The following CADM2 variants were observed in gnomAD, a reference collection of about 807,000 sequenced individuals.
CADM2 encodes the protein immunoglobulin superfamily member 4D.
In CADM2, 12 loss-of-function variants were observed where a neutral mutation model predicts 49.8. The ratio of observed to expected loss-of-function variants is 0.24; its 90% CI spans 0.15 to 0.39. The LOEUF (loss-of-function observed/expected upper bound fraction) is 0.39. Among genes scored for constraint, CADM2 ranks in the 10% least tolerant of loss-of-function variants. The pLI, the probability that CADM2 is intolerant of heterozygous loss-of-function variation, is 1.00. For synonymous variants in CADM2, 214 were observed against 175.4 expected (o/e 1.22, Z -1.74); for missense variants, 378 against 492.3 (o/e 0.77, Z 2.20).
chr3:85,133,096 G>A (rs2039286779), intron 1 of CADM2, among the ~76,000 whole-genome samples: 1 of 152,154 alleles, frequency 6.6e-6, no homozygotes, highest in Non-Finnish European at 1.5e-5. Flanking sequence ...TGGGCTCCTG[G>A]TCTCGCTGGC....
chr3:85,411,776 G>A (rs1382341402), intron 1 of CADM2, among the ~76,000 whole-genome samples: 3 of 152,150 alleles, frequency 2.0e-5, no homozygotes, highest in Non-Finnish European at 2.9e-5. Flanking sequence ...GGGATCTGAG[G>A]AGTTTGTTAT....
chr3:85,622,588 T>C (rs564287530), intron 1 of CADM2, among the ~76,000 whole-genome samples: 1 of 152,284 alleles, frequency 6.6e-6, no homozygotes, highest in South Asian at 2.1e-4. Flanking sequence ...ATCCTCATAG[T>C]TGATTCTTCT....
rs116648563 is a variant in CADM2 at position 85,240,355 on chromosome 3, T to G, written c.61+280687T>G. Among the ~76,000 whole-genome samples, 1,053 of 151,630 alleles carry G rather than the reference T, an allele frequency of 6.9e-3. 10 individuals are homozygous for G. The highest frequency in any genetic ancestry group is 0.023 in the African/African-American group (965 of 41,494). On this transcript the variant is annotated intron_variant, in intron 1 of 9. Transcript: ENST00000383699. ...TGCTATTTATTTTATTTTATGAAAA[T>G]TATTTTTAAAGGTCATAGATATTAC...
rs146268829 is a variant in CADM2, at chr3:86,029,534, G to T, written c.971-36071G>T. ...ATTTGGGACTCCATATTTAAACAGTGATTTGCATTTTTTTTTCTGAGTATT... is the reference window on the plus strand; with the variant it reads ...ATTTGGGACTCCATATTTAAACAGTTATTTGCATTTTTTTTTCTGAGTATT... On this transcript the variant is annotated intron_variant, in intron 8 of 9. Coordinates refer to ENST00000383699, the MANE Select transcript of CADM2 (RefSeq NM_001167675.2). 2.4e-3 allele frequency among the ~76,000 whole-genome samples: 368 copies of T among 151,986 alleles called. 1 individual carries two copies. Among genetic ancestry groups the T allele is most frequent in the African/African-American group, 8.6e-3 (358 of 41,512 alleles).
chr3:85,250,778 A>G (rs1351687425), intron 1 of CADM2, among the ~76,000 whole-genome samples: 1 of 151,884 alleles, frequency 6.6e-6, no homozygotes, highest in East Asian at 1.9e-4. Flanking sequence ...TACTAAATAC[A>G]AATGGAATCA....
At chr3:85,696,571 C>T (rs2066563714) in intron 1 of CADM2, among the ~76,000 whole-genome samples, 1 of 151,718 alleles carries the variant, frequency 6.6e-6, no homozygotes, top group Non-Finnish European at 1.5e-5. Context: ...GAAGATTAGT[C>T]GGTTATAAAT....
At chr3:85,244,323 A>G (rs1576198875) in intron 1 of CADM2, among the ~76,000 whole-genome samples, 1 of 152,138 alleles carries the variant, frequency 6.6e-6, no homozygotes, top group East Asian at 1.9e-4. Flanking sequence ...ACCTCAGCCA[A>G]AAACCTTGCA....
chr3:85,430,117 G>A lies in CADM2; in HGVS notation c.62-296405G>A, dbSNP rs1010434157. On this transcript the variant is annotated intron_variant, in intron 1 of 9. Coordinates refer to ENST00000383699, the MANE Select transcript of CADM2 (RefSeq NM_001167675.2). ...TGTGTGCATGTGATATGTTATGAAG[G>A]AAGACAAAGAGAACATTATGAAAAT... Among the ~76,000 whole-genome samples, 5 of 152,060 alleles carry A rather than the reference G, an allele frequency of 3.3e-5. No homozygotes were observed. In the South Asian group the frequency reaches 6.2e-4, roughly 19 times the overall value.
chr3:85,684,081 T>A (rs1241774690), intron 1 of CADM2, among the ~76,000 whole-genome samples: 6 of 152,146 alleles, frequency 3.9e-5, no homozygotes, highest in Non-Finnish European at 8.8e-5. Flanking sequence ...ACTCACAAGG[T>A]GTGGAACAAG....
intron 2 of CADM2, among the ~76,000 whole-genome samples, chr3:85,747,246 C>T (rs567886367): frequency 6.6e-6 from 1 of 152,058 alleles, no homozygotes; most frequent in African/African-American, 2.4e-5. Flanking sequence ...CTCATGCATT[C>T]TTCATCTATG....
At chr3:85,241,647 TTAG>T (rs1469837566) in intron 1 of CADM2, among the ~76,000 whole-genome samples, 1 of 151,604 alleles carries the variant, frequency 6.6e-6, no homozygotes, top group East Asian at 1.9e-4. Flanking sequence ...ATCACTAAAC[TTAG>T]TAGATACATT....
chr3:85,628,530 C>CAT (rs1559952815), intron 1 of CADM2, among the ~76,000 whole-genome samples: 8 of 148,850 alleles, frequency 5.4e-5, no homozygotes, highest in Non-Finnish European at 7.4e-5. Context: ...TATATACACA[C>CAT]ATATATATAC....
chr3:85,253,653 G>T (rs889787378), intron 1 of CADM2, among the ~76,000 whole-genome samples: 1 of 151,884 alleles, frequency 6.6e-6, no homozygotes, highest in Middle Eastern at 3.2e-3. Flanking sequence ...CAAGTTTGTC[G>T]CATCCTTCTC....
intron 8 of CADM2, among the ~76,000 whole-genome samples, chr3:86,032,782 A>T (rs1734707406): frequency 6.6e-6 from 1 of 151,976 alleles, no homozygotes. Flanking sequence ...AAACCTCCTC[A>T]AATATTTGGT....
At chr3:85,155,345 G>A (rs961511237) in intron 1 of CADM2, among the ~76,000 whole-genome samples, 1 of 150,986 alleles carries the variant, frequency 6.6e-6, no homozygotes, top group African/African-American at 2.4e-5. Context: ...GACAAAGAAG[G>A]CCATTACATA....
intron 1 of CADM2, among the ~76,000 whole-genome samples, chr3:85,567,007 A>T (rs189116964): frequency 6.6e-6 from 1 of 152,270 alleles, no homozygotes; most frequent in East Asian, 1.9e-4. Flanking sequence ...TCCCATCTTT[A>T]AAAAGATTAT....
intron 1 of CADM2, among the ~76,000 whole-genome samples, chr3:85,009,914 A>T (rs1448646199): frequency 2.0e-5 from 3 of 148,736 alleles, no homozygotes; most frequent in Non-Finnish European, 4.5e-5. Flanking sequence ...TAAATATTTT[A>T]AAAAATAAAT....
intron 7 of CADM2, among the ~76,000 whole-genome samples, chr3:85,940,474 C>T (rs540672760): frequency 2.0e-4 from 30 of 151,980 alleles, no homozygotes; most frequent in Admixed American, 1.3e-3. Flanking sequence ...AAATAAACTA[C>T]GAATCAAAGA....
chr3:85,952,667 AAG>A (rs1347519134), intron 7 of CADM2, among the ~76,000 whole-genome samples: 2 of 150,936 alleles, frequency 1.3e-5, no homozygotes, highest in Non-Finnish European at 3.0e-5. Flanking sequence ...AGAGGCTGTA[AAG>A]AGAGTTTCTT....
Sources: allele counts gnomAD v4.1 joint callset (sites outside exome capture counted in the v4.1 genomes callset), GRCh38; gene constraint gnomAD v4.1.1; transcripts MANE v1.5; gene names NCBI Gene and HGNC (gene_info 2026-07-23, HGNC 2026-07-21).